STXBP5: variants seen among roughly 807,000 people sequenced by gnomAD.
The protein encoded by STXBP5 is syntaxin-binding protein 5.
STXBP5 carries 50 observed loss-of-function variants against 152.4 expected under a neutral mutation model. That is an observed-to-expected ratio of 0.33 (90% CI 0.26 to 0.42). The LOEUF (loss-of-function observed/expected upper bound fraction) is 0.42, where lower values mean the gene tolerates loss of function less well. STXBP5 is among the 10% of genes least tolerant of loss of function. The pLI is 1.00. For missense variants in STXBP5, 1,167 were observed against 1,388.6 expected (o/e 0.84, Z 2.54); for synonymous variants, 492 against 494.7 (o/e 0.99, Z 0.07).
intron 7 of STXBP5, among the ~76,000 whole-genome samples, chr6:147,267,849 A>G (rs966019850): frequency 2.6e-5 from 4 of 152,084 alleles, no homozygotes; most frequent in Non-Finnish European, 5.9e-5. Context: ...GTTGGAAGCC[A>G]GTGGTGGTTG....
intron 9 of STXBP5, among the ~76,000 whole-genome samples, chr6:147,309,296 G>A (rs959406135): frequency 3.2e-4 from 48 of 152,004 alleles, no homozygotes; most frequent in African/African-American, 7.7e-4. Flanking sequence ...ATAATATACA[G>A]AAAATTTAAT....
At chr6:147,325,215 C>A in intron 17 of STXBP5, 131 bp downstream of exon 17, 1 of 902,658 alleles carries the variant, frequency 1.1e-6, no homozygotes, top group Non-Finnish European at 1.5e-6. Context: ...TGATTTCAGA[C>A]GAAATTGACT....
chr6:147,337,182 CACAT>C (rs758419963), intron 19 of STXBP5, among the ~76,000 whole-genome samples: 1 of 145,814 alleles, frequency 6.9e-6, no homozygotes, highest in Non-Finnish European at 1.5e-5. Flanking sequence ...TATATATATA[CACAT>C]ACATAGACAC....
intron 26 of STXBP5, among the ~76,000 whole-genome samples, chr6:147,375,138 A>G (rs1184623616): frequency 2.0e-5 from 3 of 152,238 alleles, no homozygotes; most frequent in African/African-American, 7.2e-5. Context: ...ATAGATGACC[A>G]GAAACCACTC....
intron 4 of STXBP5, among the ~76,000 whole-genome samples, chr6:147,245,290 A>G (rs2115245280): frequency 6.6e-6 from 1 of 152,292 alleles, no homozygotes; most frequent in East Asian, 1.9e-4. Context: ...AAAACCAACC[A>G]GGATGCAAGA....
At chr6:147,361,689 G>A (rs564003180) in intron 23 of STXBP5, among the ~76,000 whole-genome samples, 11 of 152,122 alleles carry the variant, frequency 7.2e-5, no homozygotes, top group East Asian at 1.9e-4. Context: ...TACATTTAAC[G>A]GTTATTTTAG....
At chr6:147,344,775 TGCAA>T in intron 21 of STXBP5, among the ~76,000 whole-genome samples, 1 of 145,496 alleles carries the variant, frequency 6.9e-6, no homozygotes, top group African/African-American at 2.5e-5. Flanking sequence ...ATATGAATTT[TGCAA>T]GGATACAATT....
chr6:147,234,521 T>G (rs1257014909), intron 2 of STXBP5, among the ~76,000 whole-genome samples: 1 of 151,978 alleles, frequency 6.6e-6, no homozygotes, highest in Non-Finnish European at 1.5e-5. Flanking sequence ...TTCAGTTTCC[T>G]TATCTGTTTA....
intron 25 of STXBP5, among the ~76,000 whole-genome samples, chr6:147,366,796 G>A (rs968005842): frequency 3.9e-5 from 6 of 152,158 alleles, no homozygotes; most frequent in African/African-American, 1.4e-4. Context: ...TCCGTTATCA[G>A]CCACTACTCC....
In STXBP5 at chr6:147,337,092, TC is replaced by T. The variant is rs1424485985; in HGVS notation, c.2147-2085del. Among the ~76,000 whole-genome samples the T allele has an allele frequency of 9.2e-5, 14 of 152,040 alleles. No homozygotes were observed. In the East Asian group the frequency reaches 2.5e-3, roughly 27 times the overall value. ...AATGAAGGGAAAGACTTTCATTTGA[TC>T]CTTACATCAAAGAACTTATATTGCT... On this transcript the variant is annotated intron_variant, in intron 19 of 27. Transcript: ENST00000321680.
At chr6:147,292,372 A>T in intron 9 of STXBP5, 1 of 355,148 alleles carries the variant, frequency 2.8e-6, no homozygotes, top group South Asian at 2.1e-5. Flanking sequence ...GACCTGTAGC[A>T]TAGTTATCTG....
chr6:147,257,983 T>G (rs1313863401), intron 4 of STXBP5, among the ~76,000 whole-genome samples: 5 of 152,196 alleles, frequency 3.3e-5, no homozygotes, highest in African/African-American at 9.6e-5. Context: ...GTATGTCTGG[T>G]GGTTGGTTCT....
rs1213270024 is a variant in STXBP5 at position 147,340,499 on chromosome 6, A to G, written c.2254+1115A>G. 2.6e-5 allele frequency among the ~76,000 whole-genome samples: 4 copies of G among 152,064 alleles called. No individual in the cohort carries two copies. The East Asian group carries it at 5.8e-4, about 22-fold the overall frequency. ...ATCACTGTAATTATGTACTAGCACT[A>G]TGGCACAATAGTCTTTAACCAATTT... On this transcript the variant is annotated intron_variant, in intron 21 of 27. Coordinates refer to ENST00000321680, the MANE Select transcript of STXBP5 (RefSeq NM_001127715.4).
chr6:147,373,363 CAAAAAAAA>C, intron 25 of STXBP5, among the ~76,000 whole-genome samples: 1 of 67,702 alleles, frequency 1.5e-5, no homozygotes, highest in Non-Finnish European at 2.7e-5. Context: ...GAGACTGTCT[CAAAAAAAA>C]AAAAAAAAAA....
intron 22 of STXBP5, among the ~76,000 whole-genome samples, chr6:147,358,164 A>G (rs1784893872): frequency 6.6e-6 from 1 of 152,130 alleles, no homozygotes; most frequent in African/African-American, 2.4e-5. Context: ...AAAAGTGGGG[A>G]AAAAGCTAAA....
chr6:147,239,147 A>T lies in STXBP5; in HGVS notation c.331-23A>T, dbSNP rs770690815. ...GTTTATAAAATATATTATACATGAAATGTGTTATACTTGATTTTTAAGGGA... is the reference window on the plus strand; with the variant it reads ...GTTTATAAAATATATTATACATGAATTGTGTTATACTTGATTTTTAAGGGA... On this transcript the variant is annotated intron_variant, in intron 3 of 27. Coordinates refer to ENST00000321680, the MANE Select transcript of STXBP5 (RefSeq NM_001127715.4). The T allele has an allele frequency of 5.7e-6, 9 of 1,586,118 alleles. No individual in the cohort carries two copies. The South Asian group carries it at 7.9e-5, about 14-fold the overall frequency.
chr6:147,257,661 ACT>A (rs1779437198), intron 4 of STXBP5, among the ~76,000 whole-genome samples: 1 of 152,218 alleles, frequency 6.6e-6, no homozygotes, highest in South Asian at 2.1e-4. Flanking sequence ...TGAAACATAC[ACT>A]GTTTGCATTC....
At chr6:147,368,103 G>C (rs574224899) in intron 25 of STXBP5, among the ~76,000 whole-genome samples, 2 of 152,166 alleles carry the variant, frequency 1.3e-5, no homozygotes, top group East Asian at 3.9e-4. Flanking sequence ...AATAACACCG[G>C]TTCACAAACT....
intron 2 of STXBP5, among the ~76,000 whole-genome samples, chr6:147,229,389 A>T (rs974383401): frequency 6.6e-6 from 1 of 151,794 alleles, no homozygotes; most frequent in Non-Finnish European, 1.5e-5. Flanking sequence ...ACATATAATG[A>T]TATGTAAGTA....
Sources: allele counts gnomAD v4.1 joint callset (sites outside exome capture counted in the v4.1 genomes callset), GRCh38; gene constraint gnomAD v4.1.1; transcripts MANE v1.5; gene names NCBI Gene and HGNC (gene_info 2026-07-23, HGNC 2026-07-21).